The following PCSK5 variants were observed in gnomAD, a reference collection of about 807,000 sequenced individuals.
PCSK5 encodes prohormone convertase 5.
PCSK5 carries 129 observed loss-of-function variants against 233.2 expected under a neutral mutation model. The observed-to-expected ratio is 0.55, with a 90% CI of 0.48 to 0.64. PCSK5 has a LOEUF of 0.64. Among genes scored for constraint, PCSK5 ranks in the 30% least tolerant of loss-of-function variants. The pLI is 0.00. For synonymous variants in PCSK5, 825 were observed against 879.2 expected, an observed-to-expected ratio of 0.94 and a Z score of 1.09; for missense variants, 2,076 against 2,430.1, an observed-to-expected ratio of 0.85 and a Z score of 3.06.
At chr9:76,258,265 A>T (rs1827047789) in intron 24 of PCSK5, among the ~76,000 whole-genome samples, 1 of 152,190 alleles carries the variant, frequency 6.6e-6, no homozygotes, top group Non-Finnish European at 1.5e-5. Context: ...GCCCTCAAAT[A>T]ATTGCTAGTA....
chr9:76,223,628 G>T (rs529957653), intron 20 of PCSK5, among the ~76,000 whole-genome samples: 1 of 152,276 alleles, frequency 6.6e-6, no homozygotes, highest in Admixed American at 6.5e-5. Context: ...AGAAACTAAA[G>T]GGGGAATGGA....
At chr9:76,019,529 G>T (rs990133328) in intron 3 of PCSK5, among the ~76,000 whole-genome samples, 25 of 152,144 alleles carry the variant, frequency 1.6e-4, no homozygotes, top group South Asian at 2.1e-4. Flanking sequence ...GAGACCCTCA[G>T]AACTTAGAGA....
chr9:76,070,082 G>A (rs892581449), intron 6 of PCSK5, among the ~76,000 whole-genome samples: 3 of 148,086 alleles, frequency 2.0e-5, no homozygotes, highest in African/African-American at 7.5e-5. Context: ...CTCACTGCAA[G>A]CTCCATCTCC....
chr9:76,126,958 G>A (rs1303220989), intron 9 of PCSK5, among the ~76,000 whole-genome samples: 1 of 152,074 alleles, frequency 6.6e-6, no homozygotes, highest in African/African-American at 2.4e-5. Flanking sequence ...TTAAAAATGG[G>A]CATAATAACA....
chr9:76,332,503 C>A lies in PCSK5; in HGVS notation c.4641C>A (p.Cys1547Ter), dbSNP rs1236060218. The A allele has an allele frequency of 6.2e-7, 1 of 1,612,204 alleles. No individual in the cohort carries two copies. The highest frequency in any genetic ancestry group is 1.7e-5 in the Admixed American group (1 of 60,022). ...ADEDSNRCAHCHSSCRTCEGR... is the reference protein window; with the variant it reads ...ADEDSNRCAH ...AGGACAGCAACCGGTGTGCCCACTG[C>A]CACAGCTCTTGCAGGACATGTGAAG... Residue 1547 changes from cysteine (C) to a stop codon, truncating the protein, a stop_gained, in exon 34 of 38, where the codon TGC (cysteine) becomes TGA (stop). Transcript: ENST00000674117. LOFTEE classifies it high-confidence loss of function.
chr9:76,092,959 GAAAATA>G (rs935167997), intron 7 of PCSK5, among the ~76,000 whole-genome samples: 22 of 150,758 alleles, frequency 1.5e-4, no homozygotes, highest in African/African-American at 5.1e-4. Context: ...ACATAAAAAA[GAAAATA>G]AAAAGCTTTT....
Position 76,271,670 on chromosome 9 carries a change from T to TA in PCSK5, c.3143-20550dup, listed in dbSNP as rs1191905882. 3.9e-3 allele frequency among the ~76,000 whole-genome samples: 550 copies of TA among 142,832 alleles called. 2 individuals carry two copies. The highest frequency in any genetic ancestry group is 8.6e-3 in the African/African-American group (335 of 39,016). 93.7% of individuals were successfully genotyped at this position (142,832 alleles called of 152,430 possible). The stretch of plus-strand genomic sequence containing the variant: ...GGGCAACATAGCAAGACCCCATTTC[T>TA]AAAAAAAAAAAAATTAAAAATGGAT... On this transcript the variant is annotated intron_variant, in intron 24 of 37. Coordinates refer to ENST00000674117, the MANE Select transcript of PCSK5 (RefSeq NM_001372043.1).
intron 7 of PCSK5, among the ~76,000 whole-genome samples, chr9:76,088,163 G>A (rs906074028): frequency 6.6e-6 from 1 of 152,206 alleles, no homozygotes. Flanking sequence ...ACAGGCTAAA[G>A]CAGGTGCGTA....
At chr9:75,941,201 G>A (rs770028429) in intron 2 of PCSK5, among the ~76,000 whole-genome samples, 5 of 152,100 alleles carry the variant, frequency 3.3e-5, no homozygotes, top group African/African-American at 4.8e-5. Context: ...ATGCGATAAT[G>A]ACTTAATGTT....
rs199755871 is a variant in PCSK5 at position 76,027,084 on chromosome 9, T to C, written c.632+47T>C. ...GCTGGCATGTGGCTGGCAAGGAGCT[T>C]TGTTTTCTGCTCATACTGAGGGAAG... On this transcript the variant is annotated intron_variant, in intron 5 of 37. Coordinates refer to ENST00000674117, the MANE Select transcript of PCSK5 (RefSeq NM_001372043.1). The C allele has an allele frequency of 1.4e-3, 1,739 of 1,241,596 alleles. 20 individuals carry two copies. In the Middle Eastern group the frequency reaches 0.033, roughly 23 times the overall value. The allele number at this position is 1,241,596 out of a possible 1,614,324, so 76.9% of individuals were successfully genotyped here.
intron 3 of PCSK5, among the ~76,000 whole-genome samples, chr9:76,009,363 T>C (rs1333887851): frequency 6.6e-6 from 1 of 152,110 alleles, no homozygotes; most frequent in Admixed American, 6.5e-5. Flanking sequence ...TCAAGTAACC[T>C]TTAAAAATCC....
chr9:75,931,947 T>G lies in PCSK5; in HGVS notation c.193-432T>G, dbSNP rs144995619. Among the ~76,000 whole-genome samples the G allele has an allele frequency of 4.0e-3, 609 of 152,376 alleles. 4 individuals carry two copies. The highest frequency in any genetic ancestry group is 0.014 in the African/African-American group (589 of 41,586). On this transcript the variant is annotated intron_variant, in intron 1 of 37. Transcript: ENST00000674117. ...CTTAAGACATATTTCAAATTAACTG[T>G]ATAAATAATCTAACAAGGTCCTTCA...
chr9:76,068,011 C>T lies in PCSK5; in HGVS notation c.689C>T (p.Thr230Ile). Residue 230 changes from threonine to isoleucine, a missense_variant, in exon 6 of 38, where the codon ACA becomes ATA. Thr to Ile is a moderately conservative substitution (Grantham distance 89). Around this residue, in one of 6 missense-constraint regions of PCSK5, gnomAD observed 178 missense variants for 393.6 expected, o/e 0.45. Coordinates refer to ENST00000674117, the MANE Select transcript of PCSK5 (RefSeq NM_001372043.1). ...VAAAANNSHCTVGIAFNAKIG... is the reference protein window; with the variant it reads ...VAAAANNSHCIVGIAFNAKIG... ...GCCGCTGCAAACAATTCGCACTGCA[C>T]AGTCGGAATTGCTTTCAACGCCAAG... 5 of 1,614,008 alleles carry T rather than the reference C, an allele frequency of 3.1e-6. No homozygotes were observed. The highest frequency in any genetic ancestry group is 4.2e-6 in the Non-Finnish European group (5 of 1,179,892).
At chr9:76,333,339 A>G (rs1274074767) in intron 34 of PCSK5, among the ~76,000 whole-genome samples, 1 of 152,196 alleles carries the variant, frequency 6.6e-6, no homozygotes, top group East Asian at 1.9e-4. Flanking sequence ...CATTCTCCCA[A>G]CCTGCTTATG....
intron 7 of PCSK5, among the ~76,000 whole-genome samples, chr9:76,083,204 C>CAAAAA (rs11324176): frequency 6.2e-4 from 47 of 75,334 alleles, no homozygotes; most frequent in Non-Finnish European, 9.4e-4. Flanking sequence ...AGCGAGATCT[C>CAAAAA]AAAAAAAAAA....
At position 76,162,394 on chromosome 9, in the gene PCSK5, T is replaced by A. The variant is rs538790967; in HGVS notation, c.1619+3223T>A. ...AGTGGCAAGGAGGCCTCATGCCCTC[T>A]CACCTTGGCCCCATTTCAAAGCACA... On this transcript the variant is annotated intron_variant, in intron 12 of 37. Coordinates refer to ENST00000674117, the MANE Select transcript of PCSK5 (RefSeq NM_001372043.1). Among the ~76,000 whole-genome samples the A allele has an allele frequency of 3.3e-5, 5 of 152,316 alleles. No homozygotes were observed. In the East Asian group the frequency reaches 9.7e-4, roughly 29 times the overall value.
At position 76,040,357 on chromosome 9, in the gene PCSK5, C is replaced by G. The variant is rs961858701; in HGVS notation, c.632+13320C>G. Among the ~76,000 whole-genome samples the G allele has an allele frequency of 1.6e-3, 104 of 63,152 alleles. 3 individuals carry two copies. The highest frequency in any genetic ancestry group is 7.5e-3 in the East Asian group (11 of 1,470). 41.4% of individuals were successfully genotyped at this position (63,152 alleles called of 152,430 possible). On this transcript the variant is annotated intron_variant, in intron 5 of 37. Transcript: ENST00000674117. ...TCTCTCTCTCTCTCTCTCTCTCTCT[C>G]TCTCTCTCTCTCTCTCTCTCTCTCT... is the stretch of plus-strand genomic sequence containing the variant.
intron 1 of PCSK5, among the ~76,000 whole-genome samples, chr9:75,916,215 T>A (rs970455042): frequency 1.3e-5 from 2 of 152,220 alleles, no homozygotes; most frequent in Non-Finnish European, 2.9e-5. Context: ...TACTTTAGCA[T>A]TTAGCCTATT....
intron 3 of PCSK5, among the ~76,000 whole-genome samples, chr9:75,997,267 T>A (rs1587476493): frequency 6.6e-6 from 1 of 152,340 alleles, no homozygotes; most frequent in Non-Finnish European, 1.5e-5. Context: ...GCATCTGGAA[T>A]GCTTCTTTTT....
Sources: allele counts gnomAD v4.1 joint callset (sites outside exome capture counted in the v4.1 genomes callset), GRCh38; gene constraint gnomAD v4.1.1; regional missense constraint gnomAD v4.1.1; transcripts MANE v1.5; gene names NCBI Gene and HGNC (gene_info 2026-07-23, HGNC 2026-07-21).